LSAMP: variants seen among roughly 807,000 people sequenced by gnomAD.
LSAMP encodes the protein limbic system-associated membrane protein.
A neutral mutation model predicts 38.6 loss-of-function variants in LSAMP; 7 were observed. That is an observed-to-expected ratio of 0.18 (90% CI 0.10 to 0.34). The LOEUF (loss-of-function observed/expected upper bound fraction) is 0.34, where lower values mean the gene tolerates loss of function less well. Ranked by LOEUF, LSAMP falls within the 10% of genes least tolerant of loss-of-function variation. The pLI is 1.00. For missense variants in LSAMP, 313 were observed against 420.0 expected, an observed-to-expected ratio of 0.75 and a Z score of 2.23; for synonymous variants, 154 against 166.8, an observed-to-expected ratio of 0.92 and a Z score of 0.59.
intron 1 of LSAMP, among the ~76,000 whole-genome samples, chr3:116,337,200 T>C (rs1031179898): frequency 2.0e-5 from 3 of 151,936 alleles, no homozygotes; most frequent in Non-Finnish European, 2.9e-5. Context: ...TTATTGAGTA[T>C]TGAGTTTCAG....
At chr3:116,009,262 T>C (rs921364024) in intron 3 of LSAMP, among the ~76,000 whole-genome samples, 5 of 152,124 alleles carry the variant, frequency 3.3e-5, no homozygotes, top group African/African-American at 1.2e-4. Flanking sequence ...CTGTGGCCCA[T>C]AGAGCAGCAG....
At chr3:116,216,302 A>C (rs2046218548) in intron 1 of LSAMP, among the ~76,000 whole-genome samples, 1 of 152,100 alleles carries the variant, frequency 6.6e-6, no homozygotes, top group Non-Finnish European at 1.5e-5. Flanking sequence ...CCACTCTGTA[A>C]CGGATCCTCT....
At chr3:115,921,012 GC>G (rs1937369990) in intron 3 of LSAMP, among the ~76,000 whole-genome samples, 1 of 151,810 alleles carries the variant, frequency 6.6e-6, no homozygotes, top group African/African-American at 2.4e-5. Flanking sequence ...TATAAATATG[GC>G]CACTCCTGCT....
intron 1 of LSAMP, among the ~76,000 whole-genome samples, chr3:116,417,695 C>T (rs1559861036): frequency 1.3e-5 from 2 of 152,096 alleles, no homozygotes; most frequent in East Asian, 3.9e-4. Context: ...TTTAAAAAAC[C>T]AGCTGGCTTG....
intron 3 of LSAMP, among the ~76,000 whole-genome samples, chr3:115,917,427 T>A (rs1455215605): frequency 6.6e-6 from 1 of 152,240 alleles, no homozygotes; most frequent in Non-Finnish European, 1.5e-5. Flanking sequence ...ATTTCCTCTT[T>A]ATCACTTTTC....
At position 116,044,017 on chromosome 3, in the gene LSAMP, T is replaced by A. The variant is rs967626573; in HGVS notation, c.389-24377A>T. Among the ~76,000 whole-genome samples the A allele has an allele frequency of 3.5e-4, 54 of 152,220 alleles. 2 individuals are homozygous for A. Among genetic ancestry groups the A allele is most frequent in the Admixed American group, 3.4e-3 (52 of 15,280 alleles). On this transcript the variant is annotated intron_variant, in intron 2 of 6. Coordinates refer to ENST00000490035, the MANE Select transcript of LSAMP (RefSeq NM_002338.5). ...CCACTTATGCTTTCAAAAGTTGCTC[T>A]ACTCTTCCTCCATGAGCCCTCTTTA...
intron 6 of LSAMP, among the ~76,000 whole-genome samples, chr3:115,828,139 C>G (rs1045029672): frequency 6.6e-6 from 1 of 152,106 alleles, no homozygotes; most frequent in African/African-American, 2.4e-5. Context: ...CTATCAAAAC[C>G]TTTTCTTTGG....
At chr3:116,434,162 C>T (rs1440293936) in intron 1 of LSAMP, among the ~76,000 whole-genome samples, 1 of 152,184 alleles carries the variant, frequency 6.6e-6, no homozygotes, top group Non-Finnish European at 1.5e-5. Context: ...TGGCTGACTT[C>T]ACCAAAATAT....
chr3:116,102,581 G>C (rs768504702), intron 1 of LSAMP, among the ~76,000 whole-genome samples: 22 of 152,188 alleles, frequency 1.4e-4, no homozygotes, highest in Non-Finnish European at 2.8e-4. Flanking sequence ...AGAATAAAAG[G>C]CTAAGTAAGA....
intron 1 of LSAMP, among the ~76,000 whole-genome samples, chr3:116,197,130 GACACACACAC>G (rs10650049): frequency 2.5e-4 from 34 of 136,820 alleles, no homozygotes; most frequent in Middle Eastern, 3.7e-3. Flanking sequence ...ATCCCACTCG[GACACACACAC>G]ACACACACAC....
intron 3 of LSAMP, among the ~76,000 whole-genome samples, chr3:115,969,014 C>T (rs1464679322): frequency 6.6e-6 from 1 of 152,178 alleles, no homozygotes; most frequent in Non-Finnish European, 1.5e-5. Flanking sequence ...AATCACTGAG[C>T]TCACCTTCCC....
At chr3:116,156,162 G>T (rs1316105442) in intron 1 of LSAMP, among the ~76,000 whole-genome samples, 4 of 152,110 alleles carry the variant, frequency 2.6e-5, no homozygotes, top group African/African-American at 9.7e-5. Context: ...CAGGCAGGGG[G>T]TGGCAAATGT....
chr3:116,153,425 G>C (rs1218946506), intron 1 of LSAMP, among the ~76,000 whole-genome samples: 1 of 152,126 alleles, frequency 6.6e-6, no homozygotes, highest in Non-Finnish European at 1.5e-5. Context: ...GCTATGGAGA[G>C]CTTGCTTTTT....
chr3:115,920,436 G>A (rs1265740780), intron 3 of LSAMP, among the ~76,000 whole-genome samples: 3 of 151,874 alleles, frequency 2.0e-5, no homozygotes, highest in Admixed American at 6.6e-5. Flanking sequence ...TTTTGGTTTT[G>A]ATTTGCATTT....
rs115273516 is a variant in LSAMP, at chr3:116,332,425, G to A, written c.155+112452C>T. Among the ~76,000 whole-genome samples, 624 of 152,144 alleles carry A rather than the reference G, an allele frequency of 4.1e-3. 6 individuals carry two copies. Among genetic ancestry groups the A allele is most frequent in the African/African-American group, 0.014 (597 of 41,504 alleles). ...GTTAAACTGATATAAATCCAAATTA[G>A]AGTGCTACAATTTTAGAATGTTAAA... On this transcript the variant is annotated intron_variant, in intron 1 of 6. Coordinates refer to ENST00000490035, the MANE Select transcript of LSAMP (RefSeq NM_002338.5).
chr3:116,003,504 G>A (rs1206081454), intron 3 of LSAMP, among the ~76,000 whole-genome samples: 1 of 152,144 alleles, frequency 6.6e-6, no homozygotes, highest in Non-Finnish European at 1.5e-5. Flanking sequence ...CTTTAAAGCA[G>A]ATTGTAGTAG....
intron 1 of LSAMP, among the ~76,000 whole-genome samples, chr3:116,228,268 A>T (rs1487455486): frequency 6.6e-6 from 1 of 152,098 alleles, no homozygotes; most frequent in Non-Finnish European, 1.5e-5. Context: ...GACTAAACAT[A>T]TATTAATTGT....
rs192773979 is a variant in LSAMP, at chr3:116,420,799, C to T, written c.155+24078G>A. 4.0e-4 allele frequency among the ~76,000 whole-genome samples: 61 copies of T among 152,052 alleles called. No individual in the cohort carries two copies. In the East Asian group the frequency reaches 0.011, roughly 27 times the overall value. On this transcript the variant is annotated intron_variant, in intron 1 of 6. Transcript: ENST00000490035. ...GGCTGAGGCAAGAAAATCACTTGAACCCGGGAGGCAGAGGTCACAGTGAGT... is the reference window on the plus strand; with the variant it reads ...GGCTGAGGCAAGAAAATCACTTGAATCCGGGAGGCAGAGGTCACAGTGAGT...
At chr3:116,216,264 A>T (rs1246298428) in intron 1 of LSAMP, among the ~76,000 whole-genome samples, 1 of 152,130 alleles carries the variant, frequency 6.6e-6, no homozygotes, top group Admixed American at 6.5e-5. Context: ...CTCATCTCCC[A>T]TGACTTCCAG....
Sources: allele counts gnomAD v4.1 joint callset (sites outside exome capture counted in the v4.1 genomes callset), GRCh38; gene constraint gnomAD v4.1.1; transcripts MANE v1.5; gene names NCBI Gene and HGNC (gene_info 2026-07-23, HGNC 2026-07-21).